Variants in SEC14L2 observed in about 807,000 individuals in gnomAD.
SEC14L2 encodes the protein SEC14-like protein 2.
A neutral mutation model predicts 56.9 loss-of-function variants in SEC14L2; 50 were observed. That is an observed-to-expected ratio of 0.88 (90% CI 0.70 to 1.11). The LOEUF (loss-of-function observed/expected upper bound fraction) is 1.11, where lower values mean the gene tolerates loss of function less well. Among genes scored for constraint, SEC14L2 ranks in the 50% most tolerant of loss-of-function variants. SEC14L2 has a pLI of 0.00. For missense variants in SEC14L2, 414 were observed against 500.7 expected, an observed-to-expected ratio of 0.83 and a Z score of 1.65; for synonymous variants, 179 against 188.5, an observed-to-expected ratio of 0.95 and a Z score of 0.41.
At chr22:30,401,094 TAATTTC>T (rs905192336) in intron 2 of SEC14L2, among the ~76,000 whole-genome samples, 6 of 151,572 alleles carry the variant, frequency 4.0e-5, no homozygotes, top group Non-Finnish European at 8.8e-5. Context: ...ATTTTAATTT[TAATTTC>T]TTTTTTTGAG....
rs1934550556 is a variant in SEC14L2, at chr22:30,422,615, C to A, written c.*208C>A. On this transcript the variant is annotated 3_prime_UTR_variant, in exon 12 of 12. Transcript: ENST00000615189. ...TACCTAAGGAGTCCCCAGGAGCTGG[C>A]TGGCCATCGTGATAGGATCTGTCTG... The A allele has an allele frequency of 7.1e-6, 4 of 564,646 alleles. No individual in the cohort carries two copies. The East Asian group carries it at 1.3e-4, about 18-fold the overall frequency. The allele number at this position is 564,646 out of a possible 1,614,324, so 35.0% of individuals were successfully genotyped here. A position where few individuals can be genotyped will look rare whatever the true frequency, so the allele number is the denominator to read the frequency against.
intron 5 of SEC14L2, chr22:30,408,914 A>T: frequency 2.0e-6 from 1 of 500,042 alleles, no homozygotes; most frequent in Non-Finnish European, 3.7e-6. Context: ...GGAGGCCATC[A>T]GGCCAAACTG....
At chr22:30,415,540 C>T (rs193008107) in intron 8 of SEC14L2, among the ~76,000 whole-genome samples, 48 of 152,292 alleles carry the variant, frequency 3.2e-4, no homozygotes, top group Admixed American at 2.9e-3. Context: ...ACCAGGGTCT[C>T]GATTTCTGGC....
chr22:30,411,536 AG>A (rs1411500818), intron 8 of SEC14L2, among the ~76,000 whole-genome samples: 1 of 151,954 alleles, frequency 6.6e-6, no homozygotes, highest in African/African-American at 2.4e-5. Flanking sequence ...GCTTGAGCTT[AG>A]GAGTTCGAGA....
At chr22:30,400,750 C>T (rs1441255227) in intron 2 of SEC14L2, among the ~76,000 whole-genome samples, 1 of 151,496 alleles carries the variant, frequency 6.6e-6, no homozygotes, top group Non-Finnish European at 1.5e-5. Context: ...CAAAAATTAG[C>T]CGGGCATGGT....
At position 30,416,252 on chromosome 22, in the gene SEC14L2, T is replaced by C. The variant is rs768142602; in HGVS notation, c.930T>C (p.Asp310=). 27 of 1,614,182 alleles carry C rather than the reference T, an allele frequency of 1.7e-5. No homozygotes were observed. Among genetic ancestry groups the C allele is most frequent in the Non-Finnish European group, 2.3e-5 (27 of 1,180,020 alleles). The change falls in exon 11 of 12, where the codon GAT becomes GAC. Residue 310 remains aspartate, a synonymous_variant. Transcript: ENST00000615189. ...GCVLRWQFMS[D]GADVGFGIFL... ...CCTGCAGGTGGCAGTTTATGTCAGA[T>C]GGAGCGGATGTTGGTTTTGGGATTT...
Position 30,425,092 on chromosome 22 carries a change from T to C in SEC14L2, c.*2685T>C. ...GAGCTCGCATTAAGAGCACGGGATCTGGATCCACACTGTTTGGATTCAAAT... is the reference window on the plus strand; with the variant it reads ...GAGCTCGCATTAAGAGCACGGGATCCGGATCCACACTGTTTGGATTCAAAT... On this transcript the variant is annotated 3_prime_UTR_variant, in exon 12 of 12. Transcript: ENST00000615189. The C allele has an allele frequency of 3.8e-6, 1 of 261,220 alleles. No individual in the cohort carries two copies. Among genetic ancestry groups the C allele is most frequent in the Non-Finnish European group, 7.7e-6 (1 of 129,034 alleles). 16.2% of individuals were successfully genotyped at this position (261,220 alleles called of 1,614,324 possible). A position where few individuals can be genotyped will look rare whatever the true frequency, so the allele number is the denominator to read the frequency against.
At chr22:30,420,125 G>A (rs1268413279) in intron 11 of SEC14L2, among the ~76,000 whole-genome samples, 1 of 151,726 alleles carries the variant, frequency 6.6e-6, no homozygotes, top group Non-Finnish European at 1.5e-5. Flanking sequence ...GGCTAATTTT[G>A]TATTTTTAGT....
At chr22:30,414,487 C>T (rs1014793070) in intron 8 of SEC14L2, among the ~76,000 whole-genome samples, 2 of 152,160 alleles carry the variant, frequency 1.3e-5, no homozygotes, top group Non-Finnish European at 2.9e-5. Context: ...ACCACAGACA[C>T]TGTGTTCCCA....
In SEC14L2 at chr22:30,399,709, T is replaced by C; in HGVS notation, c.121T>C (p.Trp41Arg). Residue 41 changes from tryptophan to arginine, a missense_variant, in exon 2 of 12, where the codon TGG (tryptophan) becomes CGG (arginine). Transcript: ENST00000615189. ...PNPDDYFLLR[W>R]LRARSFDLQK... ...TCCAGATGACTATTTTCTCCTGCGT[T>C]GGCTCCGAGGTGAGGGAAGAGGGGC... is the stretch of plus-strand genomic sequence containing the variant. 6.2e-7 allele frequency: 1 copy of C among 1,613,602 alleles called. No homozygotes were observed. The highest frequency in any genetic ancestry group is 8.5e-7 in the Non-Finnish European group (1 of 1,179,808).
Position 30,416,460 on chromosome 22 carries a change from G to A in SEC14L2, c.1081+57G>A, listed in dbSNP as rs749683274. On this transcript the variant is annotated intron_variant, in intron 11 of 11. Transcript: ENST00000615189. ...GCCCCATGTCCAGCTTTCTGCCTGT[G>A]AGGTTCCTCTTCCTCCATGGATTTT... 1.9e-6 allele frequency: 3 copies of A among 1,613,784 alleles called. No individual in the cohort carries two copies. The South Asian group carries it at 3.3e-5, about 18-fold the overall frequency.
intron 2 of SEC14L2, among the ~76,000 whole-genome samples, chr22:30,404,318 G>A (rs1294386050): frequency 7.2e-5 from 11 of 152,340 alleles, no homozygotes; most frequent in Admixed American, 2.6e-4. Flanking sequence ...CTGCCAGGAC[G>A]TGTCCGGCAC....
At chr22:30,397,295 C>A in intron 1 of SEC14L2, 125 bp downstream of exon 1, 1 of 896,900 alleles carries the variant, frequency 1.1e-6, no homozygotes, top group Non-Finnish European at 1.6e-6. Flanking sequence ...GGAACAGAGG[C>A]GGCTGTCCCA....
chr22:30,398,669 C>T, intron 1 of SEC14L2: 1 of 470,748 alleles, frequency 2.1e-6, no homozygotes, highest in South Asian at 1.5e-5. Context: ...CCTTTGAAGT[C>T]CTTCAAGCCC....
In SEC14L2 at chr22:30,407,481, G is replaced by A. The variant is rs763415556; in HGVS notation, c.301G>A (p.Asp101Asn). ...YDLDGCPVWY[D>N]IIGPLDAKGL... ...CCTGGATGGCTGCCCAGTCTGGTAC[G>A]ACATAATTGGACCTCTGGATGCCAA... is the stretch of plus-strand genomic sequence containing the variant. Residue 101 changes from aspartate (D) to asparagine (N), a missense_variant, in exon 5 of 12, where the codon GAC (aspartate) becomes AAC (asparagine). Transcript: ENST00000615189. 2.0e-5 allele frequency: 33 copies of A among 1,614,150 alleles called. No homozygotes were observed. Among genetic ancestry groups the A allele is most frequent in the East Asian group, 2.2e-5 (1 of 44,884 alleles).
chr22:30,398,649 T>C, intron 1 of SEC14L2: 1 of 465,320 alleles, frequency 2.1e-6, no homozygotes, highest in Non-Finnish European at 4.5e-6. Context: ...CCCACCTCTC[T>C]CCCCCGCTGC....
intron 5 of SEC14L2, among the ~76,000 whole-genome samples, chr22:30,408,852 A>G (rs1934169336): frequency 6.6e-6 from 1 of 152,262 alleles, no homozygotes; most frequent in Non-Finnish European, 1.5e-5. Context: ...GTCCTCGGGC[A>G]TAAGTGGCTC....
At position 30,422,632 on chromosome 22, in the gene SEC14L2, A is replaced by T; in HGVS notation, c.*225A>T. The stretch of plus-strand genomic sequence containing the variant: ...GGAGCTGGCTGGCCATCGTGATAGG[A>T]TCTGTCTGTCCTGTAAACTGTGCCA... On this transcript the variant is annotated 3_prime_UTR_variant, in exon 12 of 12. Transcript: ENST00000615189. The T allele has an allele frequency of 1.9e-6, 1 of 527,202 alleles. No homozygotes were observed. The highest frequency in any genetic ancestry group is 3.4e-6 in the Non-Finnish European group (1 of 298,086). 32.7% of individuals were successfully genotyped at this position (527,202 alleles called of 1,614,324 possible).
chr22:30,422,524 C>A lies in SEC14L2; in HGVS notation c.*117C>A. The A allele has an allele frequency of 1.5e-6, 2 of 1,311,322 alleles. No homozygotes were observed. The highest frequency in any genetic ancestry group is 2.1e-6 in the Non-Finnish European group (2 of 957,188). 81.2% of individuals were successfully genotyped at this position (1,311,322 alleles called of 1,614,324 possible). A position where few individuals can be genotyped will look rare whatever the true frequency, so the allele number is the denominator to read the frequency against. On this transcript the variant is annotated 3_prime_UTR_variant, in exon 12 of 12. Coordinates refer to ENST00000615189, the MANE Select transcript of SEC14L2 (RefSeq NM_012429.5). ...AAAGAAACTGGGCTGGAGGACAGAC[C>A]TCAGGAGCTTTCATTTCAGTTAGGC...
Sources: gnomAD v4.1 joint callset for allele counts (sites outside exome capture counted in the v4.1 genomes callset) on GRCh38, gnomAD v4.1.1 for gene constraint, MANE v1.5 for transcripts, NCBI Gene and HGNC (gene_info 2026-07-23, HGNC 2026-07-21) for gene names.